ANKRD30A: variants seen among roughly 807,000 people sequenced by gnomAD.
The protein encoded by ANKRD30A is ankyrin repeat domain-containing protein 30A.
In ANKRD30A, 170 loss-of-function variants were observed where a neutral mutation model predicts 166.3. The ratio of observed to expected loss-of-function variants is 1.02; its 90% CI spans 0.90 to 1.16. The LOEUF (loss-of-function observed/expected upper bound fraction) is 1.16, where lower values mean the gene tolerates loss of function less well. Among genes scored for constraint, ANKRD30A ranks in the 50% most tolerant of loss-of-function variants. ANKRD30A has a pLI of 0.00. For missense variants in ANKRD30A, 1,630 were observed against 1,518.0 expected (o/e 1.07, Z -1.23); for synonymous variants, 564 against 508.9 (o/e 1.11, Z -1.46).
At chr10:37,258,614 G>A in the ANKRD30A span, among the ~76,000 whole-genome samples, 1 of 149,978 alleles carries the variant, frequency 6.7e-6, no homozygotes, top group African/African-American at 2.5e-5. Context: ...AAGGTCAATC[G>A]TAGGTGGGTT....
chr10:37,201,402 A>G, intron 31 of ANKRD30A, 77 bp downstream of exon 31: 1 of 1,149,372 alleles, frequency 8.7e-7, no homozygotes, highest in South Asian at 1.6e-5. Flanking sequence ...ATGCTCTAAT[A>G]GCTGAAGAAA....
Position 37,162,759 on chromosome 10 carries a change from C to A in ANKRD30A, c.1930-17C>A, listed in dbSNP as rs530363730. Reference sequence around the variant, plus strand: ...TATACATTCTTTATTAATCATTTTGCTTCCAACCCCATTTAGCCTGCCACT... The same window carrying A: ...TATACATTCTTTATTAATCATTTTGATTCCAACCCCATTTAGCCTGCCACT... On this transcript the variant is annotated splice_polypyrimidine_tract_variant and intron_variant, in intron 16 of 35. Transcript: ENST00000361713. 6.2e-7 allele frequency: 1 copy of A among 1,613,658 alleles called. No homozygotes were observed. Among genetic ancestry groups the A allele is most frequent in the African/African-American group, 1.3e-5 (1 of 75,006 alleles).
At chr10:37,163,102 T>C (rs1417018426) in intron 17 of ANKRD30A, among the ~76,000 whole-genome samples, 2 of 151,704 alleles carry the variant, frequency 1.3e-5, no homozygotes, top group Non-Finnish European at 2.9e-5. Flanking sequence ...TTTTCTATTT[T>C]GAACTTCTGT....
intron 31 of ANKRD30A, among the ~76,000 whole-genome samples, chr10:37,210,183 A>C (rs189464288): frequency 6.6e-6 from 1 of 151,774 alleles, no homozygotes. Flanking sequence ...TCATTGTTCA[A>C]CTCCCACTTA....
intron 11 of ANKRD30A, among the ~76,000 whole-genome samples, chr10:37,150,165 C>A (rs1405588254): frequency 6.6e-6 from 1 of 152,152 alleles, no homozygotes; most frequent in Non-Finnish European, 1.5e-5. Context: ...TCTTTTAGTT[C>A]TTCGAAGCTT....
At chr10:37,182,869 T>A (rs1325301528) in intron 24 of ANKRD30A, among the ~76,000 whole-genome samples, 2 of 150,822 alleles carry the variant, frequency 1.3e-5, no homozygotes, top group African/African-American at 4.8e-5. Flanking sequence ...GTACTGGAAT[T>A]ACAGGCATGA....
intron 12 of ANKRD30A, among the ~76,000 whole-genome samples, chr10:37,152,827 C>G (rs1417238791): frequency 6.6e-6 from 1 of 152,034 alleles, no homozygotes; most frequent in African/African-American, 2.4e-5. Flanking sequence ...AGTATCTGAC[C>G]TCTTAGAAAC....
chr10:37,143,210 C>T (rs1030726565), intron 7 of ANKRD30A, among the ~76,000 whole-genome samples: 1 of 130,102 alleles, frequency 7.7e-6, no homozygotes, highest in African/African-American at 2.8e-5. Context: ...AAAAATAATG[C>T]TTATGCATAG....
chr10:37,211,354 A>G lies in ANKRD30A; in HGVS notation c.2870-4827A>G, dbSNP rs181357695. 5.1e-3 allele frequency among the ~76,000 whole-genome samples: 782 copies of G among 151,918 alleles called. 3 individuals are homozygous for G. Among genetic ancestry groups the G allele is most frequent in the African/African-American group, 0.017 (718 of 41,424 alleles). On this transcript the variant is annotated intron_variant, in intron 31 of 35. Coordinates refer to ENST00000361713, the MANE Select transcript of ANKRD30A (RefSeq NM_052997.3). ...TGTGTCCATGTGTTCTCATTGTTCAATTCCCACCTATGAGTGAGAACATGT... is the reference window on the plus strand; with the variant it reads ...TGTGTCCATGTGTTCTCATTGTTCAGTTCCCACCTATGAGTGAGAACATGT...
At chr10:37,153,023 C>T (rs1278273622) in intron 12 of ANKRD30A, among the ~76,000 whole-genome samples, 1 of 152,116 alleles carries the variant, frequency 6.6e-6, no homozygotes, top group African/African-American at 2.4e-5. Flanking sequence ...TTGTCTAAAA[C>T]ATGTTGCTTA....
At chr10:37,132,162 A>G (rs1228531277) in intron 3 of ANKRD30A, 78 bp from the exon 4 acceptor site, 17 of 993,164 alleles carry the variant, frequency 1.7e-5, no homozygotes, top group Admixed American at 2.7e-5. Context: ...TTAAGTTCAT[A>G]AGATATTATA....
chr10:37,206,455 T>C (rs1842001386), intron 31 of ANKRD30A, among the ~76,000 whole-genome samples: 1 of 152,216 alleles, frequency 6.6e-6, no homozygotes, highest in Non-Finnish European at 1.5e-5. Flanking sequence ...AATTTGAATA[T>C]GAATCCATTG....
intron 31 of ANKRD30A, among the ~76,000 whole-genome samples, chr10:37,206,060 T>C (rs1841971664): frequency 6.6e-6 from 1 of 152,126 alleles, no homozygotes; most frequent in Admixed American, 6.6e-5. Flanking sequence ...AATTTATAGA[T>C]GCACGATATT....
intron 17 of ANKRD30A, among the ~76,000 whole-genome samples, chr10:37,164,730 G>A (rs180974928): frequency 6.6e-5 from 10 of 152,156 alleles, no homozygotes; most frequent in Non-Finnish European, 1.2e-4. Flanking sequence ...ATACTACCAA[G>A]TAAAAAGTAA....
chr10:37,237,674 A>C, the ANKRD30A span, among the ~76,000 whole-genome samples: 2 of 152,196 alleles, frequency 1.3e-5, no homozygotes, highest in African/African-American at 2.4e-5. Context: ...CTTTTGATTT[A>C]GTGTTATTCA....
chr10:37,158,455 C>G (rs779680031), intron 14 of ANKRD30A, 35 bp downstream of exon 14: 9 of 1,612,698 alleles, frequency 5.6e-6, no homozygotes, highest in Non-Finnish European at 5.9e-6. Context: ...TGAGTATCAA[C>G]TACATATTTT....
At position 37,142,008 on chromosome 10, in the gene ANKRD30A, A is replaced by G. The variant is rs1208247774; in HGVS notation, c.1111A>G (p.Lys371Glu). 1.9e-6 allele frequency: 3 copies of G among 1,614,112 alleles called. No homozygotes were observed. The highest frequency in any genetic ancestry group is 3.3e-5 in the Admixed American group (2 of 60,012). Residue 371 changes from lysine (K) to glutamate (E), a missense_variant, in exon 7 of 36, where the codon AAA becomes GAA. Coordinates refer to ENST00000361713, the MANE Select transcript of ANKRD30A (RefSeq NM_052997.3). ...GAGTCCTGCAAAAGAAACATCTGAG[A>G]AATTTACGTGGCCAGCAAAAGGAAG... ...ITSPAKETSEKFTWPAKGRPR... is the reference protein window; with the variant it reads ...ITSPAKETSEEFTWPAKGRPR...
At chr10:37,134,075 C>T (rs765923270) in intron 5 of ANKRD30A, 22 bp downstream of exon 5, 12 of 1,610,850 alleles carry the variant, frequency 7.4e-6, no homozygotes, top group Admixed American at 6.7e-5. Context: ...CGTTTAGAGG[C>T]TAGGTGAGAT....
intron 13 of ANKRD30A, among the ~76,000 whole-genome samples, 187 bp from the exon 14 acceptor site, chr10:37,158,205 T>G (rs2788630): frequency 2.4e-4 from 36 of 152,302 alleles, no homozygotes; most frequent in East Asian, 1.4e-3. Context: ...TTTTCAAATT[T>G]TCTTAGGTAT....
Sources: allele counts gnomAD v4.1 joint callset (sites outside exome capture counted in the v4.1 genomes callset), GRCh38; gene constraint gnomAD v4.1.1; transcripts MANE v1.5; gene names NCBI Gene and HGNC (gene_info 2026-07-23, HGNC 2026-07-21).